PCDHA12: variants seen among roughly 807,000 people sequenced by gnomAD.
PCDHA12 encodes the protein protocadherin alpha 12.
Under a neutral mutation model 60.0 loss-of-function variants are expected in PCDHA12, and 44 were observed. The ratio of observed to expected loss-of-function variants is 0.73; its 90% CI spans 0.58 to 0.94. The LOEUF is 0.94. PCDHA12 is among the 40% of genes least tolerant of loss of function. The pLI, the probability that PCDHA12 is intolerant of heterozygous loss-of-function variation, is 0.00. For synonymous variants in PCDHA12, 569 were observed against 553.0 expected (o/e 1.03, Z -0.40); for missense variants, 1,276 against 1,239.7 (o/e 1.03, Z -0.44).
intron 1 of PCDHA12, among the ~76,000 whole-genome samples, chr5:140,900,299 GAC>G (rs1372785177): frequency 6.6e-6 from 1 of 151,604 alleles, no homozygotes; most frequent in Non-Finnish European, 1.5e-5. Flanking sequence ...TGTTTTTTTA[GAC>G]AGTCTCACTT....
chr5:140,924,900 AAAAAAT>A (rs2082118159), intron 1 of PCDHA12, among the ~76,000 whole-genome samples: 2 of 63,328 alleles, frequency 3.2e-5, no homozygotes, highest in African/African-American at 5.4e-5. Flanking sequence ...GTCTCAAAAA[AAAAAAT>A]AAAATAAAAT....
intron 1 of PCDHA12, chr5:140,929,943 A>G (rs996777609): frequency 1.3e-5 from 2 of 152,224 alleles, no homozygotes; most frequent in African/African-American, 4.8e-5. Flanking sequence ...TCTCTAGCCT[A>G]TACTTTTAAT....
In PCDHA12 at chr5:141,010,735, T is replaced by G. The variant is rs192374006; in HGVS notation, c.*798T>G. On this transcript the variant is annotated 3_prime_UTR_variant, in exon 4 of 4. Coordinates refer to ENST00000398631, the MANE Select transcript of PCDHA12 (RefSeq NM_018903.4). ...GTGCTCACTTTATTAAAAATTCTTT[T>G]GCACACAATGTTTATGAAAAGGCCA... The G allele has an allele frequency of 6.5e-6, 1 of 154,174 alleles. No individual in the cohort carries two copies. The highest frequency in any genetic ancestry group is 1.5e-5 in the Non-Finnish European group (1 of 68,224). 9.6% of individuals were successfully genotyped at this position (154,174 alleles called of 1,614,324 possible). A position where few individuals can be genotyped will look rare whatever the true frequency, so the allele number is the denominator to read the frequency against.
chr5:140,892,580 A>G (rs1462175198), intron 1 of PCDHA12, among the ~76,000 whole-genome samples: 1 of 152,198 alleles, frequency 6.6e-6, no homozygotes, highest in African/African-American at 2.4e-5. Context: ...AGTATATCTC[A>G]GTATTCATTC....
chr5:140,977,342 T>C (rs1554238451), intron 1 of PCDHA12, among the ~76,000 whole-genome samples: 3 of 152,222 alleles, frequency 2.0e-5, no homozygotes, highest in Non-Finnish European at 4.4e-5. Context: ...GAGACGGTGA[T>C]GATGACTGAT....
At chr5:140,882,113 G>C in intron 1 of PCDHA12, 1 of 1,394,318 alleles carries the variant, frequency 7.2e-7, no homozygotes, top group South Asian at 1.5e-5. Context: ...GAAGAAAGCC[G>C]CCGTTTCTTT....
chr5:140,888,724 C>G (rs1437926423), intron 1 of PCDHA12, among the ~76,000 whole-genome samples: 6 of 151,938 alleles, frequency 3.9e-5, no homozygotes, highest in African/African-American at 1.5e-4. Flanking sequence ...ATTTCCAGCC[C>G]TTTGTGAGCT....
intron 1 of PCDHA12, among the ~76,000 whole-genome samples, chr5:140,941,255 CTCTT>C (rs1554214207): frequency 2.2e-4 from 10 of 44,514 alleles, no homozygotes; most frequent in East Asian, 7.5e-4. Flanking sequence ...TTCTTTCTTT[CTCTT>C]TCTTTCTTTC....
At chr5:140,881,336 G>A in intron 1 of PCDHA12, 1 of 985,066 alleles carries the variant, frequency 1.0e-6, no homozygotes, top group Non-Finnish European at 1.2e-6. Context: ...CCAGGACGCC[G>A]ATTCGGGCTA....
At chr5:140,931,396 G>C (rs1554208395) in intron 1 of PCDHA12, among the ~76,000 whole-genome samples, 1 of 152,000 alleles carries the variant, frequency 6.6e-6, no homozygotes, top group Non-Finnish European at 1.5e-5. Flanking sequence ...ATAAGTAAGC[G>C]ATAGGAAGGC....
At position 140,879,699 on chromosome 5, in the gene PCDHA12, A is replaced by G. The variant is rs952913043; in HGVS notation, c.2367+1860A>G. Among the ~76,000 whole-genome samples the G allele has an allele frequency of 2.6e-5, 4 of 152,218 alleles. No individual in the cohort carries two copies. In the South Asian group the frequency reaches 8.3e-4, roughly 32 times the overall value. The stretch of plus-strand genomic sequence containing the variant: ...TGCTGTAAAACAGCAAAAGTTTATT[A>G]TTTCTCAGTATTGGAGACCAGAAGT... On this transcript the variant is annotated intron_variant, in intron 1 of 3. Coordinates refer to ENST00000398631, the MANE Select transcript of PCDHA12 (RefSeq NM_018903.4).
At chr5:140,983,642 G>A (rs954814692) in intron 3 of PCDHA12, among the ~76,000 whole-genome samples, 3 of 152,174 alleles carry the variant, frequency 2.0e-5, no homozygotes, top group African/African-American at 7.2e-5. Flanking sequence ...CCAAGTTCAC[G>A]TAGCTTGTAA....
chr5:141,002,873 G>C (rs780574639), intron 3 of PCDHA12, among the ~76,000 whole-genome samples: 44 of 152,148 alleles, frequency 2.9e-4, no homozygotes, highest in Admixed American at 2.6e-4. Context: ...AAGTCCTCAA[G>C]AACAGAAAGA....
intron 1 of PCDHA12, 44 bp downstream of exon 1, chr5:140,877,883 A>T: frequency 1.4e-6 from 2 of 1,460,312 alleles, no homozygotes; most frequent in East Asian, 2.5e-5. Context: ...TCCTTGAAGA[A>T]CTTCCGTTTA....
At chr5:140,968,173 C>T (rs782043932) in intron 1 of PCDHA12, 10 of 1,614,104 alleles carry the variant, frequency 6.2e-6, no homozygotes, top group Admixed American at 1.7e-5. Flanking sequence ...CACCAAGCTT[C>T]CTGGAGGACT....
chr5:140,888,239 C>G (rs1361679058), intron 1 of PCDHA12, among the ~76,000 whole-genome samples: 3 of 151,992 alleles, frequency 2.0e-5, no homozygotes, highest in Non-Finnish European at 4.4e-5. Flanking sequence ...TGTGCGTGTT[C>G]CTTTAAAGCA....
At chr5:140,978,485 A>G (rs992352505) in intron 1 of PCDHA12, among the ~76,000 whole-genome samples, 2 of 152,264 alleles carry the variant, frequency 1.3e-5, no homozygotes, top group Admixed American at 1.3e-4. Flanking sequence ...CAGTCTGCAA[A>G]GCCAGCAGCA....
intron 1 of PCDHA12, among the ~76,000 whole-genome samples, chr5:140,950,648 T>C (rs2153690319): frequency 6.6e-6 from 1 of 152,222 alleles, no homozygotes; most frequent in East Asian, 1.9e-4. Flanking sequence ...CTGTTTATGG[T>C]TGGCTGAGTT....
intron 1 of PCDHA12, among the ~76,000 whole-genome samples, chr5:140,893,662 A>C (rs1462433571): frequency 6.6e-6 from 1 of 152,204 alleles, no homozygotes; most frequent in Non-Finnish European, 1.5e-5. Flanking sequence ...GTTTTAAAAA[A>C]TTTCAGCACT....
Sources: gnomAD v4.1 joint callset for allele counts (sites outside exome capture counted in the v4.1 genomes callset) on GRCh38, gnomAD v4.1.1 for gene constraint, MANE v1.5 for transcripts, NCBI Gene and HGNC (gene_info 2026-07-23, HGNC 2026-07-21) for gene names.